The following KCNK9 variants were observed in gnomAD, a reference collection of about 807,000 sequenced individuals.
KCNK9 encodes potassium two pore domain channel subfamily K member 9.
In KCNK9, 1 loss-of-function variant was observed where a neutral mutation model predicts 10.8. That is an observed-to-expected ratio of 0.09 (90% CI 0.03 to 0.44). The LOEUF is 0.44. Ranked by LOEUF, KCNK9 falls within the 20% of genes least tolerant of loss-of-function variation. The pLI is 0.97. For synonymous variants in KCNK9, 231 were observed against 222.7 expected, an observed-to-expected ratio of 1.04 and a Z score of -0.33; for missense variants, 303 against 515.0, an observed-to-expected ratio of 0.59 and a Z score of 3.98.
At chr8:139,662,751 G>A (rs1816190618) in intron 1 of KCNK9, among the ~76,000 whole-genome samples, 1 of 151,754 alleles carries the variant, frequency 6.6e-6, no homozygotes, top group African/African-American at 2.4e-5. Flanking sequence ...CAGACACTGT[G>A]CCAGCCCAGA....
chr8:139,621,660 A>G (rs547531352), intron 1 of KCNK9, among the ~76,000 whole-genome samples: 2 of 152,354 alleles, frequency 1.3e-5, no homozygotes, highest in South Asian at 2.1e-4. Flanking sequence ...GCATATCTAC[A>G]CAATAAGATT....
intron 1 of KCNK9, among the ~76,000 whole-genome samples, chr8:139,623,084 G>A (rs991204514): frequency 1.1e-4 from 16 of 152,178 alleles, no homozygotes; most frequent in Admixed American, 7.8e-4. Context: ...CAGACTGCAC[G>A]TTTTAGTAGT....
intron 1 of KCNK9, among the ~76,000 whole-genome samples, chr8:139,642,628 C>T (rs1478029304): frequency 2.6e-5 from 4 of 152,244 alleles, no homozygotes; most frequent in African/African-American, 9.6e-5. Flanking sequence ...GCAAAGAGCA[C>T]AGATGCAGGG....
chr8:139,667,612 C>T (rs574708439), intron 1 of KCNK9, among the ~76,000 whole-genome samples: 1 of 152,300 alleles, frequency 6.6e-6, no homozygotes, highest in Non-Finnish European at 1.5e-5. Flanking sequence ...AGGAGAATCA[C>T]CTGATCCTGG....
chr8:139,604,216 G>T (rs988712689), intron 2 of KCNK9, among the ~76,000 whole-genome samples: 1 of 152,214 alleles, frequency 6.6e-6, no homozygotes, highest in Non-Finnish European at 1.5e-5. Flanking sequence ...TGCAGATATG[G>T]CTCTAGGGTA....
rs1237225123 is a variant in KCNK9 at position 139,703,021 on chromosome 8, G to A, written c.-29C>T. ...CGCCAGCAAGGAGCCGGCGCGGGGG[G>A]CATGTCCCGCAGGCTCACAGCCGCG... On this transcript the variant is annotated 5_prime_UTR_variant, in exon 1 of 2. Coordinates refer to ENST00000520439, the MANE Select transcript of KCNK9 (RefSeq NM_001282534.2). The surrounding 1 kb of genome is among the most constrained non-coding windows in gnomAD (Gnocchi z 6.4). 6 of 1,541,000 alleles carry A rather than the reference G, an allele frequency of 3.9e-6. No homozygotes were observed. Among genetic ancestry groups the A allele is most frequent in the African/African-American group, 1.4e-5 (1 of 72,790 alleles).
chr8:139,686,496 A>T (rs1232344019), intron 1 of KCNK9, among the ~76,000 whole-genome samples: 2 of 152,258 alleles, frequency 1.3e-5, no homozygotes, highest in Non-Finnish European at 2.9e-5. Flanking sequence ...TTATGCAGCC[A>T]ACAGACATAT....
rs754394784 is a variant in KCNK9, at chr8:139,618,515, C to T, written c.868G>A (p.Val290Ile). 1.1e-5 allele frequency: 17 copies of T among 1,613,514 alleles called. No individual in the cohort carries two copies. Among genetic ancestry groups the T allele is most frequent in the Middle Eastern group, 1.6e-4 (1 of 6,084 alleles). ...GAGCACACAGACTGCAGGTCCGGGA[C>T]GTCCGCCTTGTACCTGGGCCGGCTG... ...RPSRPRYKADVPDLQSVCSCT... is the reference protein window; with the variant it reads ...RPSRPRYKADIPDLQSVCSCT... Residue 290 changes from valine (V) to isoleucine (I), a missense_variant, in exon 2 of 2, where the codon GTC becomes ATC. Physicochemically the swap from Val to Ile is conservative, Grantham distance 29. This residue lies in a region of KCNK9 where 138 missense variants were observed against 161.1 expected (regional missense o/e 0.86). Coordinates refer to ENST00000520439, the MANE Select transcript of KCNK9 (RefSeq NM_001282534.2). The surrounding 1 kb of genome is among the most constrained non-coding windows in gnomAD (Gnocchi z 7.9).
chr8:139,702,648 C>A lies in KCNK9; in HGVS notation c.283+62G>T. 6.6e-7 allele frequency: 1 copy of A among 1,512,354 alleles called. No homozygotes were observed. 93.7% of individuals were successfully genotyped at this position (1,512,354 alleles called of 1,614,324 possible). A position where few individuals can be genotyped will look rare whatever the true frequency, so the allele number is the denominator to read the frequency against. Reference sequence around the variant, plus strand: ...CCTGCACCCAGCCCGGCGCGGCGCGCTCAGCCGCCTCCCCGGACTCCTCCC... The same window carrying A: ...CCTGCACCCAGCCCGGCGCGGCGCGATCAGCCGCCTCCCCGGACTCCTCCC... On this transcript the variant is annotated intron_variant, in intron 1 of 1. Transcript: ENST00000520439. The surrounding 1 kb of genome is among the most constrained non-coding windows in gnomAD (Gnocchi z 7.5).
intron 1 of KCNK9, among the ~76,000 whole-genome samples, chr8:139,642,715 G>A (rs1401018276): frequency 6.6e-6 from 1 of 152,234 alleles, no homozygotes; most frequent in Non-Finnish European, 1.5e-5. Context: ...AGCCGTGGAT[G>A]GGCCCTCCAG....
chr8:139,643,906 G>T (rs1442905949), intron 1 of KCNK9, among the ~76,000 whole-genome samples: 2 of 152,224 alleles, frequency 1.3e-5, no homozygotes, highest in African/African-American at 2.4e-5. Flanking sequence ...AGTCGAGGGG[G>T]CTCTTCCCAC....
Position 139,693,139 on chromosome 8 carries a change from G to A in KCNK9, c.283+9571C>T, listed in dbSNP as rs1437773649. Among the ~76,000 whole-genome samples the A allele has an allele frequency of 2.6e-5, 4 of 152,152 alleles. No homozygotes were observed. The highest frequency in any genetic ancestry group is 4.8e-5 in the African/African-American group (2 of 41,426). On this transcript the variant is annotated intron_variant, in intron 1 of 1. Coordinates refer to ENST00000520439, the MANE Select transcript of KCNK9 (RefSeq NM_001282534.2). This position sits in a 1 kb window ranked among gnomAD's most constrained non-coding sequence, Gnocchi z 4.1. Reference sequence around the variant, plus strand: ...TGCGCTGCGTGCCTGTCAGCTGCAGGTAAAGGCCTCTCACCTTCCTGAGTG... The same window carrying A: ...TGCGCTGCGTGCCTGTCAGCTGCAGATAAAGGCCTCTCACCTTCCTGAGTG...
intron 1 of KCNK9, among the ~76,000 whole-genome samples, chr8:139,643,603 A>T (rs534258872): frequency 6.6e-6 from 1 of 152,182 alleles, no homozygotes; most frequent in African/African-American, 2.4e-5. Flanking sequence ...GCCGGCCCTC[A>T]GCAGGGCACA....
chr8:139,615,495 C>A (rs1814559263), downstream of KCNK9, among the ~76,000 whole-genome samples: 1 of 152,124 alleles, frequency 6.6e-6, no homozygotes, highest in African/African-American at 2.4e-5. Flanking sequence ...TGGCCAGAGA[C>A]CACAGCAGGG....
intron 1 of KCNK9, among the ~76,000 whole-genome samples, chr8:139,698,796 C>G (rs1274836241): frequency 6.6e-6 from 1 of 152,208 alleles, no homozygotes; most frequent in African/African-American, 2.4e-5. Context: ...AAAATGCTGT[C>G]TGTTTCACGA....
Position 139,702,819 on chromosome 8 carries a change from G to T in KCNK9, c.174C>A (p.Asp58Glu). 1.2e-6 allele frequency: 2 copies of T among 1,614,016 alleles called. No homozygotes were observed. Among genetic ancestry groups the T allele is most frequent in the Non-Finnish European group, 1.7e-6 (2 of 1,179,974 alleles). Residue 58 changes from aspartate to glutamate, a missense_variant, in exon 1 of 2, where the codon GAC becomes GAA. By Grantham distance (45) the Asp-to-Glu change is conservative. Coordinates refer to ENST00000520439, the MANE Select transcript of KCNK9 (RefSeq NM_001282534.2). The surrounding 1 kb of genome is among the most constrained non-coding windows in gnomAD (Gnocchi z 7.5). ...GGATCACCAGCTCCAGCTGCCGGTAGTCCTCGCTGCTGATGTTGTACTTCC... is the reference window on the plus strand; with the variant it reads ...GGATCACCAGCTCCAGCTGCCGGTATTCCTCGCTGCTGATGTTGTACTTCC... ...IKGKYNISSE[D>E]YRQLELVILQ...
intron 1 of KCNK9, among the ~76,000 whole-genome samples, chr8:139,625,756 C>G (rs1258015801): frequency 1.3e-5 from 2 of 151,594 alleles, no homozygotes; most frequent in Non-Finnish European, 2.9e-5. Flanking sequence ...TAGGCTCCAT[C>G]TTCCCAGAGG....
At chr8:139,639,652 G>C (rs914475983) in intron 1 of KCNK9, among the ~76,000 whole-genome samples, 1 of 152,180 alleles carries the variant, frequency 6.6e-6, no homozygotes. Flanking sequence ...ACAAGAAAAG[G>C]CTCAAAAAGC....
chr8:139,669,275 T>C (rs1205533822), intron 1 of KCNK9, among the ~76,000 whole-genome samples: 4 of 152,198 alleles, frequency 2.6e-5, no homozygotes, highest in African/African-American at 9.6e-5. Context: ...GAGACAACAA[T>C]GAAGTTTGCT....
Sources: gnomAD v4.1 joint callset for allele counts (sites outside exome capture counted in the v4.1 genomes callset) on GRCh38, gnomAD v4.1.1 for gene constraint, gnomAD v4.1.1 regional missense constraint, Gnocchi (gnomAD v3.1) non-coding constraint, MANE v1.5 for transcripts, NCBI Gene and HGNC (gene_info 2026-07-23, HGNC 2026-07-21) for gene names.